Variants in TMPRSS9 observed in about 807,000 individuals in gnomAD.
TMPRSS9 encodes transmembrane protease serine 9.
TMPRSS9 carries 113 observed loss-of-function variants against 111.4 expected under a neutral mutation model. The observed-to-expected ratio is 1.01, with a 90% CI of 0.87 to 1.19. TMPRSS9 has a LOEUF of 1.19. TMPRSS9 is among the 50% of genes most tolerant of loss of function. TMPRSS9 has a pLI of 0.00. For missense variants in TMPRSS9, 1,803 were observed against 1,513.1 expected, an observed-to-expected ratio of 1.19 and a Z score of -3.18; for synonymous variants, 805 against 659.1, an observed-to-expected ratio of 1.22 and a Z score of -3.39.
rs544490612 is a variant in TMPRSS9 at position 2,406,313 on chromosome 19, C to T, written c.842+768C>T. Among the ~76,000 whole-genome samples the T allele has an allele frequency of 4.1e-3, 533 of 129,172 alleles. 2 individuals carry two copies. Among genetic ancestry groups the T allele is most frequent in the Middle Eastern group, 0.018 (4 of 226 alleles). 84.7% of individuals were successfully genotyped at this position (129,172 alleles called of 152,430 possible). ...GATTACAGGCGTGAGCCACTGCGCC[C>T]GGCCTCTTTATTTTATTTTATTTTT... On this transcript the variant is annotated intron_variant, in intron 7 of 17. Coordinates refer to ENST00000648592, the Ensembl canonical transcript of TMPRSS9.
chr19:2,416,386 G>T (rs2145380462), intron 11 of TMPRSS9, 152 bp from the exon 13 acceptor site: 2 of 1,012,364 alleles, frequency 2.0e-6, no homozygotes, highest in East Asian at 5.3e-5. Context: ...CTCTTTCCCT[G>T]GTCCTCCTCC....
chr19:2,401,099 C>T (rs750785204), intron 4 of TMPRSS9, among the ~76,000 whole-genome samples: 75 of 151,478 alleles, frequency 5.0e-4, no homozygotes, highest in Non-Finnish European at 8.8e-4. Flanking sequence ...ACGGTGAAAC[C>T]CCGTCTCTAC....
At chr19:2,419,140 T>C (rs1971403405) in intron 13 of TMPRSS9, among the ~76,000 whole-genome samples, 1 of 105,368 alleles carries the variant, frequency 9.5e-6, no homozygotes, top group East Asian at 3.1e-4. Flanking sequence ...CCTCCCTCCC[T>C]TTCCTTCCCT....
At chr19:2,424,955 G>C in intron 15 of TMPRSS9, 47 bp from the exon 17 acceptor site, 1 of 1,409,804 alleles carries the variant, frequency 7.1e-7, no homozygotes, top group Non-Finnish European at 9.2e-7. Flanking sequence ...GGCGGGGGCC[G>C]GGGGCGTGGG....
At chr19:2,411,183 C>G (rs1384433359) in intron 9 of TMPRSS9, among the ~76,000 whole-genome samples, 3 of 150,858 alleles carry the variant, frequency 2.0e-5, no homozygotes, top group Non-Finnish European at 4.4e-5. Context: ...GCCTGTAATC[C>G]CAGCTCCTCG....
chr19:2,404,321 C>G (rs996607413), intron 6 of TMPRSS9, among the ~76,000 whole-genome samples: 18 of 151,988 alleles, frequency 1.2e-4, no homozygotes, highest in African/African-American at 4.3e-4. Context: ...AATCAATATC[C>G]AAACAGAAGG....
intron 9 of TMPRSS9, among the ~76,000 whole-genome samples, chr19:2,412,896 T>C (rs1177334972): frequency 6.6e-6 from 1 of 152,006 alleles, no homozygotes; most frequent in Admixed American, 6.6e-5. Flanking sequence ...GGCTCATGTT[T>C]AAGAATGTAA....
intron 7 of TMPRSS9, among the ~76,000 whole-genome samples, chr19:2,407,298 G>A (rs1212777935): frequency 6.6e-6 from 1 of 151,600 alleles, no homozygotes; most frequent in Non-Finnish European, 1.5e-5. Context: ...GAGGTGGGGG[G>A]ATCACTTGAG....
chr19:2,399,624 T>C (rs886202158), intron 4 of TMPRSS9, among the ~76,000 whole-genome samples: 4 of 152,212 alleles, frequency 2.6e-5, no homozygotes, highest in Non-Finnish European at 5.9e-5. Flanking sequence ...GCCTTTGCCT[T>C]AATGGTGTGG....
At chr19:2,380,095 G>T (rs1251224746) in intron 1 of TMPRSS9, among the ~76,000 whole-genome samples, 1 of 151,996 alleles carries the variant, frequency 6.6e-6, no homozygotes, top group Non-Finnish European at 1.5e-5. Context: ...GGGGCCAGTG[G>T]CTGCCATTTT....
chr19:2,375,134 A>G (rs1441766916), intron 1 of TMPRSS9, among the ~76,000 whole-genome samples: 1 of 152,166 alleles, frequency 6.6e-6, no homozygotes, highest in African/African-American at 2.4e-5. Context: ...GGCCACCAAG[A>G]TGGAGGCCAA....
At chr19:2,382,280 G>T (rs1376692827) in intron 1 of TMPRSS9, among the ~76,000 whole-genome samples, 1 of 150,632 alleles carries the variant, frequency 6.6e-6, no homozygotes, top group Non-Finnish European at 1.5e-5. Flanking sequence ...AAGAAACCAT[G>T]TGCCACCATG....
At position 2,412,369 on chromosome 19, in the gene TMPRSS9, A is replaced by C. The variant is rs1427071563; in HGVS notation, c.1255-1331A>C. On this transcript the variant is annotated intron_variant, in intron 9 of 17. Coordinates refer to ENST00000648592, the Ensembl canonical transcript of TMPRSS9. ...CAGTAAGCCAAGATCACGCCACTGT[A>C]CTCTAGCCTGAGTGACAGAGTGAGA... Among the ~76,000 whole-genome samples, 3 of 152,102 alleles carry C rather than the reference A, an allele frequency of 2.0e-5. 1 individual carries two copies. The highest frequency in any genetic ancestry group is 7.2e-5 in the African/African-American group (3 of 41,400).
chr19:2,403,152 C>T (rs781543845), exon 6 of TMPRSS9: 27 of 1,612,248 alleles, frequency 1.7e-5, no homozygotes, highest in Admixed American at 1.3e-4. Context: ...CGGAGTGTGA[C>T]GACCAGGAGG....
intron 12 of TMPRSS9, 62 bp from the exon 14 acceptor site, chr19:2,417,940 C>A: frequency 1.3e-6 from 2 of 1,598,580 alleles, no homozygotes; most frequent in African/African-American, 1.3e-5. Flanking sequence ...GTTATCGGAG[C>A]GGAACTGGAG....
intron 9 of TMPRSS9, among the ~76,000 whole-genome samples, chr19:2,412,616 T>C (rs1215963636): frequency 6.6e-6 from 1 of 152,114 alleles, no homozygotes; most frequent in African/African-American, 2.4e-5. Flanking sequence ...TGAGAAAGCT[T>C]TCTCTTGTGT....
At chr19:2,389,037 C>G (rs1970531023), upstream of TMPRSS9, among the ~76,000 whole-genome samples, 1 of 151,636 alleles carries the variant, frequency 6.6e-6, no homozygotes, top group Non-Finnish European at 1.5e-5. Flanking sequence ...CGGGAGTCCT[C>G]ATCCTCACAC....
chr19:2,395,962 T>C (rs6510666), intron 1 of TMPRSS9, among the ~76,000 whole-genome samples: 73,526 of 151,846 alleles, frequency 0.48, 19,573 homozygotes, highest in African/African-American at 0.69. Context: ...GAGCCGAGAT[T>C]GCGCCACCGC....
intron 1 of TMPRSS9, among the ~76,000 whole-genome samples, chr19:2,379,619 T>TTCTTTCTTTCTTTCTATCTATCTA (rs1323836510): frequency 9.4e-6 from 1 of 106,680 alleles, no homozygotes; most frequent in African/African-American, 3.8e-5. Context: ...TTCTTTCTCT[T>TTCTTTCTTTCTTTCTATCTATCTA]TCTTTCTTTC....
Sources: allele counts gnomAD v4.1 joint callset (sites outside exome capture counted in the v4.1 genomes callset), GRCh38; gene constraint gnomAD v4.1.1; transcripts MANE v1.5; gene names NCBI Gene and HGNC (gene_info 2026-07-23, HGNC 2026-07-21).